The following ZNF554 variants were observed in gnomAD, a reference collection of about 807,000 sequenced individuals.
ZNF554 encodes the protein zinc finger protein 554.
In ZNF554, 15 loss-of-function variants were observed where a neutral mutation model predicts 21.2. That is an observed-to-expected ratio of 0.71 (90% CI 0.47 to 1.09). The LOEUF (loss-of-function observed/expected upper bound fraction) is 1.09, where lower values mean the gene tolerates loss of function less well. Ranked by LOEUF, ZNF554 falls within the 50% of genes least tolerant of loss-of-function variation. The pLI is 0.00. For synonymous variants in ZNF554, 258 were observed against 251.4 expected, an observed-to-expected ratio of 1.03 and a Z score of -0.25; for missense variants, 691 against 662.7, an observed-to-expected ratio of 1.04 and a Z score of -0.47.
In ZNF554 at chr19:2,822,450, G is replaced by A. The variant is rs149731629; in HGVS notation, c.54-590G>A. Among the ~76,000 whole-genome samples, 382 of 152,260 alleles carry A rather than the reference G, an allele frequency of 2.5e-3. 2 individuals carry two copies. The highest frequency in any genetic ancestry group is 3.7e-3 in the Non-Finnish European group (253 of 68,026). ...TATATTCCTGTTATTTTAAGCCCCC[G>A]GGTTACTGGCACCTTGTGAAAACAG... On this transcript the variant is annotated intron_variant, in intron 1 of 4. Coordinates refer to ENST00000317243, the MANE Select transcript of ZNF554 (RefSeq NM_001102651.2).
intron 2 of ZNF554, among the ~76,000 whole-genome samples, chr19:2,824,733 G>A (rs528282292): frequency 4.7e-5 from 7 of 148,482 alleles, no homozygotes; most frequent in South Asian, 4.3e-4. Context: ...GAACTTTACC[G>A]TCTTAGCCGT....
chr19:2,832,554 C>A, intron 4 of ZNF554, 60 bp downstream of exon 4: 1 of 1,501,508 alleles, frequency 6.7e-7, no homozygotes, highest in South Asian at 1.3e-5. Flanking sequence ...AAACATTGGT[C>A]AGAGAGCTCT....
chr19:2,825,260 C>T (rs957624549), intron 2 of ZNF554, among the ~76,000 whole-genome samples: 3 of 151,964 alleles, frequency 2.0e-5, no homozygotes, highest in Admixed American at 1.3e-4. Context: ...GTGATCCACC[C>T]ACCTTGGCCT....
Position 2,833,725 on chromosome 19 carries a change from G to T in ZNF554, c.490G>T (p.Val164Leu). 1 of 1,546,004 alleles carries T rather than the reference G, an allele frequency of 6.5e-7. No individual in the cohort carries two copies. The highest frequency in any genetic ancestry group is 8.7e-7 in the Non-Finnish European group (1 of 1,147,136). The change falls in exon 5 of 5, where the codon GTG (valine) becomes TTG (leucine). Residue 164 changes from valine (V) to leucine (L), a missense_variant. Transcript: ENST00000317243. ...LRNQDSTYKKVALQEEPASGI... is the reference protein window; with the variant it reads ...LRNQDSTYKKLALQEEPASGI... ...AAACCAAGACTCAACTTACAAGAAG[G>T]TGGCTTTGCAGGAGGAACCAGCCAG...
At chr19:2,827,765 C>T (rs1418577945) in intron 3 of ZNF554, 22 bp downstream of exon 3, 2 of 1,613,414 alleles carry the variant, frequency 1.2e-6, no homozygotes, top group East Asian at 2.2e-5. Context: ...ATCACTAATT[C>T]CTGTGTTCAT....
rs71179916 is a variant in ZNF554, at chr19:2,831,593, C to CTTTTTTTTTTT, written c.254-699_254-689dup. The CTTTTTTTTTTT allele has an allele frequency of 3.5e-5, 4 of 113,480 alleles. 1 individual carries two copies. Among genetic ancestry groups the CTTTTTTTTTTT allele is most frequent in the Non-Finnish European group, 5.2e-5 (3 of 57,234 alleles). 7.0% of individuals were successfully genotyped at this position (113,480 alleles called of 1,614,324 possible). A position where few individuals can be genotyped will look rare whatever the true frequency, so the allele number is the denominator to read the frequency against. On this transcript the variant is annotated intron_variant, in intron 3 of 4. Transcript: ENST00000317243. Reference sequence around the variant, plus strand: ...ACAGGTGTGAGCCACTGCACCCGCCCTTTTTTTTTTTTTTTTTTTTTGAGA... The same window carrying CTTTTTTTTTTT: ...ACAGGTGTGAGCCACTGCACCCGCCCTTTTTTTTTTTTTTTTTTTTTTTTTTTTTTTTGAGA...
At chr19:2,832,239 T>A in intron 3 of ZNF554, 64 bp from the exon 4 acceptor site, 1 of 1,486,078 alleles carries the variant, frequency 6.7e-7, no homozygotes, top group East Asian at 2.3e-5. Context: ...ATCTGTAATT[T>A]TTTAACTAGA....
chr19:2,820,002 G>C lies in ZNF554; in HGVS notation c.-70G>C. 1 of 1,145,254 alleles carries C rather than the reference G, an allele frequency of 8.7e-7. No individual in the cohort carries two copies. The highest frequency in any genetic ancestry group is 3.6e-5 in the East Asian group (1 of 27,522). 70.9% of individuals were successfully genotyped at this position (1,145,254 alleles called of 1,614,324 possible). On this transcript the variant is annotated 5_prime_UTR_variant, in exon 1 of 5. Transcript: ENST00000317243. ...AGGAGGCGTCCCAGGGACACGCAGG[G>C]GAGGCCGGCCGGCCTGCACGGGGCG...
intron 1 of ZNF554, 62 bp downstream of exon 1, chr19:2,820,186 GC>G: frequency 8.3e-7 from 1 of 1,203,812 alleles, no homozygotes; most frequent in Non-Finnish European, 1.0e-6. Context: ...CTCTGGTGGG[GC>G]TGGGTCTGGC....
In ZNF554 at chr19:2,821,358, C is replaced by G. The variant is rs879926717; in HGVS notation, c.53+1234C>G. Among the ~76,000 whole-genome samples the G allele has an allele frequency of 2.6e-5, 4 of 151,898 alleles. No individual in the cohort carries two copies. Among genetic ancestry groups the G allele is most frequent in the Non-Finnish European group, 5.9e-5 (4 of 68,010 alleles). The stretch of plus-strand genomic sequence containing the variant: ...CACCTACCTCGGCCTCCCAAAGTGA[C>G]CACTGCGCCCGGCGCCTTTGGTTCT... On this transcript the variant is annotated intron_variant, in intron 1 of 4. Coordinates refer to ENST00000317243, the MANE Select transcript of ZNF554 (RefSeq NM_001102651.2). This position sits in a 1 kb window ranked among gnomAD's most constrained non-coding sequence, Gnocchi z 8.2.
At chr19:2,822,388 C>A (rs2144802312) in intron 1 of ZNF554, among the ~76,000 whole-genome samples, 1 of 152,260 alleles carries the variant, frequency 6.6e-6, no homozygotes, top group South Asian at 2.1e-4. Context: ...CAGCCCTGCC[C>A]ACACCTTGAT....
At position 2,821,716 on chromosome 19, in the gene ZNF554, G is replaced by C. The variant is rs141074000; in HGVS notation, c.54-1324G>C. Among the ~76,000 whole-genome samples the C allele has an allele frequency of 3.3e-3, 504 of 152,044 alleles. 1 individual carries two copies. The highest frequency in any genetic ancestry group is 6.4e-3 in the Non-Finnish European group (434 of 67,990). On this transcript the variant is annotated intron_variant, in intron 1 of 4. Coordinates refer to ENST00000317243, the MANE Select transcript of ZNF554 (RefSeq NM_001102651.2). The surrounding 1 kb of genome is among the most constrained non-coding windows in gnomAD (Gnocchi z 8.2). ...GGGGTCTCGGTCTGTCACCTGGCTG[G>C]AGTGCAGTGGCACGATCTCGGCTCA...
Position 2,833,825 on chromosome 19 carries a change from A to G in ZNF554, c.590A>G (p.Gln197Arg), listed in dbSNP as rs754917884. ...KQLEDSHEDP[Q>R]GLLSQKASLH... ...TTAGAGGACAGCCATGAAGACCCCC[A>G]GGGGCTTTTGAGCCAAAAGGCATCC... Residue 197 changes from glutamine to arginine, a missense_variant, in exon 5 of 5, where the codon CAG (glutamine) becomes CGG (arginine). Coordinates refer to ENST00000317243, the MANE Select transcript of ZNF554 (RefSeq NM_001102651.2). The G allele has an allele frequency of 6.8e-6, 11 of 1,612,838 alleles. No individual in the cohort carries two copies. Among genetic ancestry groups the G allele is most frequent in the Admixed American group, 6.7e-5 (4 of 59,790 alleles).
At chr19:2,824,767 A>G (rs1357236034) in intron 2 of ZNF554, among the ~76,000 whole-genome samples, 3 of 152,156 alleles carry the variant, frequency 2.0e-5, no homozygotes, top group Non-Finnish European at 2.9e-5. Flanking sequence ...GCTCAATGGC[A>G]TTAAGTTGGA....
At position 2,819,939 on chromosome 19, in the gene ZNF554, CGGGG is replaced by C. The variant is rs908665859; in HGVS notation, c.-130_-127del. The C allele has an allele frequency of 3.1e-6, 2 of 642,288 alleles. No homozygotes were observed. Among genetic ancestry groups the C allele is most frequent in the Non-Finnish European group, 4.3e-6 (2 of 469,562 alleles). 39.8% of individuals were successfully genotyped at this position (642,288 alleles called of 1,614,324 possible). A position where few individuals can be genotyped will look rare whatever the true frequency, so the allele number is the denominator to read the frequency against. ...GCGGCGAGTTCCTGAGGGGCGCCTG[CGGGG>C]GGCGTCCGCTCCGAGCGCCGAGGAG... On this transcript the variant is annotated 5_prime_UTR_variant, in exon 1 of 5. Transcript: ENST00000317243.
chr19:2,822,275 C>T lies in ZNF554; in HGVS notation c.54-765C>T, dbSNP rs148745320. On this transcript the variant is annotated intron_variant, in intron 1 of 4. Coordinates refer to ENST00000317243, the MANE Select transcript of ZNF554 (RefSeq NM_001102651.2). ...CATGTTGGCCAGGCTGGTCTTGAACCCCTGGGCTCAAGTGATCCTCGCGCC... is the reference window on the plus strand; with the variant it reads ...CATGTTGGCCAGGCTGGTCTTGAACTCCTGGGCTCAAGTGATCCTCGCGCC... 9.0e-3 allele frequency among the ~76,000 whole-genome samples: 1,368 copies of T among 151,966 alleles called. 29 individuals carry two copies. The highest frequency in any genetic ancestry group is 0.031 in the African/African-American group (1,291 of 41,430).
chr19:2,830,609 G>A (rs2087401706), intron 3 of ZNF554: 1 of 151,810 alleles, frequency 6.6e-6, no homozygotes, highest in Non-Finnish European at 1.5e-5. Flanking sequence ...TTGTTTTTTT[G>A]TTTTGAGACA....
intron 2 of ZNF554, among the ~76,000 whole-genome samples, chr19:2,826,723 G>A (rs1169748495): frequency 4.0e-5 from 6 of 149,956 alleles, no homozygotes; most frequent in Non-Finnish European, 4.4e-5. Context: ...GTGCAGTGGC[G>A]TGATCTCGGC....
chr19:2,820,079 C>A lies in ZNF554; in HGVS notation c.8C>A (p.Thr3Asn). 3.3e-6 allele frequency: 4 copies of A among 1,213,694 alleles called. No individual in the cohort carries two copies. The Admixed American group carries it at 1.7e-4, about 53-fold the overall frequency. The allele number at this position is 1,213,694 out of a possible 1,614,324, so 75.2% of individuals were successfully genotyped here. A position where few individuals can be genotyped will look rare whatever the true frequency, so the allele number is the denominator to read the frequency against. Residue 3 changes from threonine (T) to asparagine (N), a missense_variant, in exon 1 of 5, where the codon ACC (threonine) becomes AAC (asparagine). Thr to Asn is a moderately conservative substitution (Grantham distance 65, BLOSUM62 0). Transcript: ENST00000317243. Reference protein sequence around the residue: MVTCAHLGRRARL... With the variant: MVNCAHLGRRARL... ...GCCTCAGCGCGCGCCCCGATGGTCA[C>A]CTGCGCCCACCTGGGCCGGCGCGCG... is the stretch of plus-strand genomic sequence containing the variant.
Sources: gnomAD v4.1 joint callset for allele counts (sites outside exome capture counted in the v4.1 genomes callset) on GRCh38, gnomAD v4.1.1 for gene constraint, Gnocchi (gnomAD v3.1) non-coding constraint, MANE v1.5 for transcripts, NCBI Gene and HGNC (gene_info 2026-07-23, HGNC 2026-07-21) for gene names.